The following USP6NL variants were observed in gnomAD, a reference collection of about 807,000 sequenced individuals.
The protein encoded by USP6NL is USP6 N-terminal like.
A neutral mutation model predicts 61.9 loss-of-function variants in USP6NL; 26 were observed. That is an observed-to-expected ratio of 0.42 (90% confidence interval 0.31 to 0.58). The LOEUF (loss-of-function observed/expected upper bound fraction) is 0.58. Among genes scored for constraint, USP6NL ranks in the 20% least tolerant of loss-of-function variants. The pLI, the probability that USP6NL is intolerant of heterozygous loss-of-function variation, is 0.16. For synonymous variants in USP6NL, 432 were observed against 390.1 expected (o/e 1.11, Z -1.27); for missense variants, 1,114 against 1,034.3 (o/e 1.08, Z -1.06).
intron 1 of USP6NL, among the ~76,000 whole-genome samples, chr10:11,605,605 T>C (rs976002955): frequency 1.1e-4 from 17 of 152,246 alleles, no homozygotes; most frequent in African/African-American, 3.8e-4. Context: ...TCCACAGAAA[T>C]ATATGCAAAA....
chr10:11,588,483 T>C (rs992810124), intron 2 of USP6NL, among the ~76,000 whole-genome samples: 1 of 152,210 alleles, frequency 6.6e-6, no homozygotes, highest in Non-Finnish European at 1.5e-5. Flanking sequence ...CAGTGATATT[T>C]TAAAAATAGA....
In USP6NL at chr10:11,498,403, A is replaced by G. The variant is rs78946885; in HGVS notation, c.384+2698T>C. Among the ~76,000 whole-genome samples, 864 of 151,634 alleles carry G rather than the reference A, an allele frequency of 5.7e-3. 6 individuals carry two copies. The highest frequency in any genetic ancestry group is 0.017 in the Admixed American group (251 of 15,192). ...TGCAAGAGAGAAAAATAAAAATGAG[A>G]TAACAGAAGAGGAAAACATATTAGA... On this transcript the variant is annotated intron_variant, in intron 7 of 14. Coordinates refer to ENST00000609104, the MANE Select transcript of USP6NL (RefSeq NM_014688.5).
At position 11,500,983 on chromosome 10, in the gene USP6NL, G is replaced by A. The variant is rs747044509; in HGVS notation, c.384+118C>T. 1.3e-4 allele frequency: 97 copies of A among 772,542 alleles called. 1 individual carries two copies. Among genetic ancestry groups the A allele is most frequent in the East Asian group, 3.5e-4 (12 of 33,956 alleles). 47.9% of individuals were successfully genotyped at this position (772,542 alleles called of 1,614,324 possible). ...AATAGACCTCCAAAACCTCCAATGCGATAGAATTTTAATATAATTTTAAGT... is the reference window on the plus strand; with the variant it reads ...AATAGACCTCCAAAACCTCCAATGCAATAGAATTTTAATATAATTTTAAGT... On this transcript the variant is annotated intron_variant, in intron 7 of 14. Transcript: ENST00000609104.
At chr10:11,522,118 A>G (rs1258347822) in intron 4 of USP6NL, among the ~76,000 whole-genome samples, 1 of 152,222 alleles carries the variant, frequency 6.6e-6, no homozygotes, top group African/African-American at 2.4e-5. Flanking sequence ...AACAGCTTTC[A>G]TATTTATTGT....
chr10:11,471,692 T>C (rs1214488304), intron 14 of USP6NL, among the ~76,000 whole-genome samples: 1 of 152,104 alleles, frequency 6.6e-6, no homozygotes, highest in African/African-American at 2.4e-5. Context: ...TGGATGAAGC[T>C]GGAAACCATC....
chr10:11,564,856 C>T (rs1346928866), intron 2 of USP6NL: 1 of 152,216 alleles, frequency 6.6e-6, no homozygotes, highest in Non-Finnish European at 1.5e-5. Context: ...TTCATAATAT[C>T]CACTCTTTTC....
In USP6NL at chr10:11,548,662, T is replaced by C. The variant is rs1346978534; in HGVS notation, c.5-21095A>G. On this transcript the variant is annotated intron_variant, in intron 2 of 14. Transcript: ENST00000609104. This position sits in a 1 kb window ranked among gnomAD's most constrained non-coding sequence, Gnocchi z 4.3. ...AATAAGCTAAGATCCTAGGACCCACTGGCAAAGACTTTCATTCTGATAAAC... is the reference window on the plus strand; with the variant it reads ...AATAAGCTAAGATCCTAGGACCCACCGGCAAAGACTTTCATTCTGATAAAC... Among the ~76,000 whole-genome samples, 1 of 152,186 alleles carries C rather than the reference T, an allele frequency of 6.6e-6. No individual in the cohort carries two copies. The highest frequency in any genetic ancestry group is 1.5e-5 in the Non-Finnish European group (1 of 68,006).
intron 14 of USP6NL, among the ~76,000 whole-genome samples, chr10:11,464,635 C>T (rs1349139327): frequency 2.0e-5 from 3 of 152,220 alleles, no homozygotes; most frequent in African/African-American, 4.8e-5. Context: ...TATCTGCACA[C>T]CTGCTCAATG....
Position 11,491,320 on chromosome 10 carries a change from T to C in USP6NL, c.495-440A>G, listed in dbSNP as rs539296262. Among the ~76,000 whole-genome samples, 1 of 152,314 alleles carries C rather than the reference T, an allele frequency of 6.6e-6. No individual in the cohort carries two copies. Among genetic ancestry groups the C allele is most frequent in the African/African-American group, 2.4e-5 (1 of 41,558 alleles). On this transcript the variant is annotated intron_variant, in intron 8 of 14. Coordinates refer to ENST00000609104, the MANE Select transcript of USP6NL (RefSeq NM_014688.5). The surrounding 1 kb of genome is among the most constrained non-coding windows in gnomAD (Gnocchi z 4.7). ...CAGGCTCCAATTCAAGGTGCTGTTT[T>C]TCCCATAGCCAGGATTCAAGGATCC... is the stretch of plus-strand genomic sequence containing the variant.
At chr10:11,558,007 C>A (rs1053234524) in intron 2 of USP6NL, among the ~76,000 whole-genome samples, 1 of 152,304 alleles carries the variant, frequency 6.6e-6, no homozygotes, top group Non-Finnish European at 1.5e-5. Context: ...GTATGACTGT[C>A]AGGCAGCATC....
At chr10:11,588,759 GA>G (rs1252228442) in intron 2 of USP6NL, among the ~76,000 whole-genome samples, 1 of 152,134 alleles carries the variant, frequency 6.6e-6, no homozygotes, top group Non-Finnish European at 1.5e-5. Context: ...CATTGTCAGG[GA>G]AAAGAGTAAT....
rs1485385726 is a variant in USP6NL, at chr10:11,528,915, C to A, written c.5-1348G>T. On this transcript the variant is annotated intron_variant, in intron 2 of 14. Coordinates refer to ENST00000609104, the MANE Select transcript of USP6NL (RefSeq NM_014688.5). This position sits in a 1 kb window ranked among gnomAD's most constrained non-coding sequence, Gnocchi z 4.6. ...GCCGGGTGCAGGGTGGAAAACCAAA[C>A]CCTCATTCTCCAAAGCAGGAAACCA... Among the ~76,000 whole-genome samples, 1 of 152,132 alleles carries A rather than the reference C, an allele frequency of 6.6e-6. No homozygotes were observed. The highest frequency in any genetic ancestry group is 2.1e-4 in the South Asian group (1 of 4,820).
In USP6NL at chr10:11,580,863, TA is replaced by T. The variant is rs1484594493; in HGVS notation, c.4+16767del. Among the ~76,000 whole-genome samples, 26 of 128,132 alleles carry T rather than the reference TA, an allele frequency of 2.0e-4. 1 individual carries two copies. The East Asian group carries it at 5.6e-3, about 28-fold the overall frequency. 84.1% of individuals were successfully genotyped at this position (128,132 alleles called of 152,430 possible). ...AATGAATGGATGAATGACGAACGGA[TA>T]GATGATGGATGGATGGATGGATGGA... is the stretch of plus-strand genomic sequence containing the variant. On this transcript the variant is annotated intron_variant, in intron 2 of 14. Coordinates refer to ENST00000609104, the MANE Select transcript of USP6NL (RefSeq NM_014688.5).
rs147309581 is a variant in USP6NL at position 11,501,731 on chromosome 10, C to G, written c.277-523G>C. On this transcript the variant is annotated intron_variant, in intron 6 of 14. Transcript: ENST00000609104. ...AGATACCAAGCTTCTCCTCATCTAT[C>G]TGAAAACTCCAGTTAATCCTACTGG... Among the ~76,000 whole-genome samples, 262 of 152,326 alleles carry G rather than the reference C, an allele frequency of 1.7e-3. 5 individuals carry two copies. Among genetic ancestry groups the G allele is most frequent in the Admixed American group, 0.015 (229 of 15,304 alleles).
rs1259799653 is a variant in USP6NL, at chr10:11,591,026, C to T, written c.4+6605G>A. Among the ~76,000 whole-genome samples the T allele has an allele frequency of 6.6e-6, 1 of 152,130 alleles. No individual in the cohort carries two copies. Among genetic ancestry groups the T allele is most frequent in the Non-Finnish European group, 1.5e-5 (1 of 68,044 alleles). On this transcript the variant is annotated intron_variant, in intron 2 of 14. Transcript: ENST00000609104. The surrounding 1 kb of genome is among the most constrained non-coding windows in gnomAD (Gnocchi z 4.7). ...ACAGTAAATTTTAAGAGTTAGAAGG[C>T]GTCCAGATGATCTATCTAGTGCCTA...
At chr10:11,501,033 C>T in intron 7 of USP6NL, 68 bp downstream of exon 7, 1 of 1,240,308 alleles carries the variant, frequency 8.1e-7, no homozygotes, top group Non-Finnish European at 1.1e-6. Context: ...CTTATGTCAC[C>T]TTGAATGCTA....
rs537474084 is a variant in USP6NL at position 11,503,498 on chromosome 10, C to T, written c.277-2290G>A. On this transcript the variant is annotated intron_variant, in intron 6 of 14. Coordinates refer to ENST00000609104, the MANE Select transcript of USP6NL (RefSeq NM_014688.5). ...GGGGTGGAAATAAAAAATTAATGGT[C>T]CCCATACTAGTACAGAGCTAAAATT... is the stretch of plus-strand genomic sequence containing the variant. Among the ~76,000 whole-genome samples the T allele has an allele frequency of 3.5e-4, 53 of 152,192 alleles. 1 individual carries two copies. The South Asian group carries it at 0.011, about 30-fold the overall frequency.
intron 10 of USP6NL, among the ~76,000 whole-genome samples, chr10:11,486,595 A>G (rs748943504): frequency 2.0e-5 from 3 of 152,190 alleles, no homozygotes; most frequent in Non-Finnish European, 2.9e-5. Flanking sequence ...ACAATCCATT[A>G]AAAAGAAAGT....
In USP6NL at chr10:11,574,380, G is replaced by C. The variant is rs1371162083; in HGVS notation, c.4+23251C>G. On this transcript the variant is annotated intron_variant, in intron 2 of 14. Transcript: ENST00000609104. This position sits in a 1 kb window ranked among gnomAD's most constrained non-coding sequence, Gnocchi z 4.3. ...ACATGCACACTAGAAATTCCCATAG[G>C]AGTCTGTAAATTCAATGGTCTCAAC... 6.6e-6 allele frequency among the ~76,000 whole-genome samples: 1 copy of C among 152,094 alleles called. No individual in the cohort carries two copies. The highest frequency in any genetic ancestry group is 2.4e-5 in the African/African-American group (1 of 41,398).
Sources: gnomAD v4.1 joint callset for allele counts (sites outside exome capture counted in the v4.1 genomes callset) on GRCh38, gnomAD v4.1.1 for gene constraint, Gnocchi (gnomAD v3.1) non-coding constraint, MANE v1.5 for transcripts, NCBI Gene and HGNC (gene_info 2026-07-23, HGNC 2026-07-21) for gene names.